TTC28: variants seen among roughly 807,000 people sequenced by gnomAD.
TTC28 encodes the protein tetratricopeptide repeat protein 28.
In TTC28, 61 loss-of-function variants were observed where a neutral mutation model predicts 198.0. The observed-to-expected ratio is 0.31, with a 90% CI of 0.25 to 0.38. The LOEUF is 0.38. Ranked by LOEUF, TTC28 falls within the 10% of genes least tolerant of loss-of-function variation. The probability of loss-of-function intolerance (pLI) is 1.00; values close to 1 mark genes in which losing one functional copy is unlikely to be tolerated. For missense variants in TTC28, 2,678 were observed against 3,164.0 expected (o/e 0.85, Z 3.69); for synonymous variants, 1,171 against 1,297.8 (o/e 0.90, Z 2.10).
chr22:28,315,261 G>C (rs1342520589), intron 2 of TTC28, among the ~76,000 whole-genome samples: 1 of 152,120 alleles, frequency 6.6e-6, no homozygotes, highest in Non-Finnish European at 1.5e-5. Flanking sequence ...CCATTTGGAA[G>C]TTGCTTTCTT....
At chr22:28,041,085 G>T (rs868124155) in intron 12 of TTC28, among the ~76,000 whole-genome samples, 2 of 152,016 alleles carry the variant, frequency 1.3e-5, no homozygotes, top group Non-Finnish European at 2.9e-5. Flanking sequence ...ATAAAAGAGG[G>T]CACAAACAAA....
chr22:28,264,976 A>G (rs2147309698), intron 5 of TTC28, among the ~76,000 whole-genome samples: 1 of 152,302 alleles, frequency 6.6e-6, no homozygotes, highest in East Asian at 1.9e-4. Context: ...TTCAACCTCT[A>G]AAAATGACAA....
intron 5 of TTC28, among the ~76,000 whole-genome samples, chr22:28,237,749 ATT>A (rs1929356560): frequency 1.3e-5 from 2 of 152,082 alleles, no homozygotes; most frequent in Admixed American, 1.3e-4. Flanking sequence ...TTCTGGTATC[ATT>A]TTCCCTCCAC....
intron 2 of TTC28, among the ~76,000 whole-genome samples, chr22:28,345,682 T>C (rs772898856): frequency 1.3e-5 from 2 of 152,214 alleles, no homozygotes; most frequent in Non-Finnish European, 2.9e-5. Flanking sequence ...TCAGTCTCTT[T>C]TTCAAAGACT....
At position 28,473,381 on chromosome 22, in the gene TTC28, G is replaced by A. The variant is rs1284590229; in HGVS notation, c.381+156171C>T. On this transcript the variant is annotated intron_variant, in intron 2 of 22. Transcript: ENST00000397906. Reference sequence around the variant, plus strand: ...GAGGTGGGGCTTGAATTCGGGACCAGATTGAGGACTAGCTAAAACAGGGAA... The same window carrying A: ...GAGGTGGGGCTTGAATTCGGGACCAAATTGAGGACTAGCTAAAACAGGGAA... Among the ~76,000 whole-genome samples the A allele has an allele frequency of 2.0e-5, 3 of 152,122 alleles. No homozygotes were observed. In the East Asian group the frequency reaches 5.8e-4, roughly 29 times the overall value.
At chr22:28,291,240 T>C (rs1008899897) in intron 5 of TTC28, among the ~76,000 whole-genome samples, 1 of 152,132 alleles carries the variant, frequency 6.6e-6, no homozygotes, top group South Asian at 2.1e-4. Flanking sequence ...AGGACTTCTC[T>C]AGCAAATATA....
At chr22:28,038,505 T>G (rs938679117) in intron 12 of TTC28, among the ~76,000 whole-genome samples, 15 of 152,160 alleles carry the variant, frequency 9.9e-5, no homozygotes, top group Non-Finnish European at 1.9e-4. Context: ...TTACACCTTA[T>G]ACAAAAATTA....
chr22:28,561,882 T>G (rs1251683981), intron 2 of TTC28, among the ~76,000 whole-genome samples: 1 of 152,222 alleles, frequency 6.6e-6, no homozygotes. Flanking sequence ...TAGTAGTTTG[T>G]CTTTTCTCTA....
intron 2 of TTC28, among the ~76,000 whole-genome samples, chr22:28,561,077 T>C (rs1269148457): frequency 7.1e-6 from 1 of 140,318 alleles, no homozygotes; most frequent in Non-Finnish European, 1.5e-5. Context: ...ATTTTCTTTT[T>C]TTTTTTTTTT....
chr22:28,582,910 T>C (rs1331556237), intron 2 of TTC28, among the ~76,000 whole-genome samples: 1 of 152,164 alleles, frequency 6.6e-6, no homozygotes, highest in Non-Finnish European at 1.5e-5. Flanking sequence ...GATATGTCAG[T>C]AGCCATTTAA....
At chr22:28,028,948 G>A (rs746655398) in intron 13 of TTC28, 8 of 470,282 alleles carry the variant, frequency 1.7e-5, no homozygotes, top group Admixed American at 7.0e-5. Context: ...CAGCTTGTGA[G>A]TGGCAAGGCC....
chr22:28,036,427 G>A (rs561973285), intron 12 of TTC28, among the ~76,000 whole-genome samples: 20 of 152,214 alleles, frequency 1.3e-4, no homozygotes, highest in Non-Finnish European at 2.1e-4. Flanking sequence ...TACTGGGTAC[G>A]TAACAAAATG....
At position 28,491,444 on chromosome 22, in the gene TTC28, G is replaced by A. The variant is rs1033574397; in HGVS notation, c.381+138108C>T. On this transcript the variant is annotated intron_variant, in intron 2 of 22. Transcript: ENST00000397906. ...AACAAACAACCCCATCAACAAGTGGGCGAAGGATATGAACAGACACTTCTC... is the reference window on the plus strand; with the variant it reads ...AACAAACAACCCCATCAACAAGTGGACGAAGGATATGAACAGACACTTCTC... 2.0e-5 allele frequency among the ~76,000 whole-genome samples: 3 copies of A among 152,126 alleles called. No homozygotes were observed. In the East Asian group the frequency reaches 5.8e-4, roughly 29 times the overall value.
At chr22:28,270,410 T>C (rs9613588) in intron 5 of TTC28, among the ~76,000 whole-genome samples, 28,067 of 152,142 alleles carry the variant, frequency 0.18, 3,319 homozygotes, top group Non-Finnish European at 0.26. Flanking sequence ...TATTAAATAG[T>C]AGCAATCCCT....
At chr22:28,223,142 G>A (rs1040805379) in intron 5 of TTC28, among the ~76,000 whole-genome samples, 12 of 152,126 alleles carry the variant, frequency 7.9e-5, no homozygotes, top group African/African-American at 2.9e-4. Context: ...GGAGAGGGGC[G>A]GCCAGAGCCA....
At chr22:28,233,335 C>T (rs1012987110) in intron 5 of TTC28, among the ~76,000 whole-genome samples, 3 of 152,030 alleles carry the variant, frequency 2.0e-5, no homozygotes, top group Non-Finnish European at 2.9e-5. Context: ...TATATCTTCA[C>T]GTAATTTTGC....
At chr22:28,609,232 A>C (rs1485742765) in intron 2 of TTC28, among the ~76,000 whole-genome samples, 1 of 152,196 alleles carries the variant, frequency 6.6e-6, no homozygotes, top group East Asian at 1.9e-4. Context: ...GTTTTTTGAA[A>C]AACCAAATAA....
chr22:28,559,029 C>G (rs1038382396), intron 2 of TTC28, among the ~76,000 whole-genome samples: 8 of 151,344 alleles, frequency 5.3e-5, no homozygotes, highest in Non-Finnish European at 1.2e-4. Flanking sequence ...AAGCAAGACT[C>G]CATCTCAAAA....
intron 1 of TTC28, among the ~76,000 whole-genome samples, chr22:28,650,484 G>C (rs2051547661): frequency 6.6e-6 from 1 of 152,068 alleles, no homozygotes; most frequent in South Asian, 2.1e-4. Context: ...AATTTTTTCT[G>C]ACAGCCTCAA....
Sources: allele counts gnomAD v4.1 joint callset (sites outside exome capture counted in the v4.1 genomes callset), GRCh38; gene constraint gnomAD v4.1.1; transcripts MANE v1.5; gene names NCBI Gene and HGNC (gene_info 2026-07-23, HGNC 2026-07-21).